CHST11: variants seen among roughly 807,000 people sequenced by gnomAD.
The protein encoded by CHST11 is carbohydrate sulfotransferase 11.
CHST11 carries 9 observed loss-of-function variants against 30.4 expected under a neutral mutation model. The ratio of observed to expected loss-of-function variants is 0.30; its 90% CI spans 0.18 to 0.52. The LOEUF (loss-of-function observed/expected upper bound fraction) is 0.52, where lower values mean the gene tolerates loss of function less well. Ranked by LOEUF, CHST11 falls within the 20% of genes least tolerant of loss-of-function variation. CHST11 has a pLI of 0.97. For synonymous variants in CHST11, 152 were observed against 187.8 expected (o/e 0.81, Z 1.56); for missense variants, 348 against 460.6 (o/e 0.76, Z 2.24).
intron 1 of CHST11, among the ~76,000 whole-genome samples, chr12:104,537,931 A>T (rs1238292975): frequency 1.3e-5 from 2 of 152,106 alleles, no homozygotes; most frequent in East Asian, 3.8e-4. Context: ...CGTGAGCTCA[A>T]GCGATCCTCC....
At chr12:104,459,726 C>T (rs1160602844) in intron 1 of CHST11, among the ~76,000 whole-genome samples, 1 of 152,198 alleles carries the variant, frequency 6.6e-6, no homozygotes, top group Non-Finnish European at 1.5e-5. Context: ...CTTTTCTAAG[C>T]TTGTGCTGAA....
chr12:104,599,078 C>G (rs189295344), intron 1 of CHST11, among the ~76,000 whole-genome samples: 1 of 152,346 alleles, frequency 6.6e-6, no homozygotes, highest in Non-Finnish European at 1.5e-5. Flanking sequence ...CACCGACTGC[C>G]TGTTGCATAG....
chr12:104,643,076 C>G (rs1329079528), intron 2 of CHST11, among the ~76,000 whole-genome samples: 2 of 152,184 alleles, frequency 1.3e-5, no homozygotes. Flanking sequence ...GTAATGCCAG[C>G]ACTTTGGGAG....
At chr12:104,464,451 C>T (rs2037439237) in intron 1 of CHST11, among the ~76,000 whole-genome samples, 1 of 152,084 alleles carries the variant, frequency 6.6e-6, no homozygotes, top group Admixed American at 6.6e-5. Flanking sequence ...TCCCCTCTAC[C>T]ACCTGCTCCC....
chr12:104,752,504 A>T (rs2040440903), intron 2 of CHST11, among the ~76,000 whole-genome samples: 1 of 111,624 alleles, frequency 9.0e-6, no homozygotes, highest in African/African-American at 4.0e-5. Flanking sequence ...AAATTTATTT[A>T]CTTATTTATT....
chr12:104,593,321 GGA>G (rs573221193), intron 1 of CHST11, among the ~76,000 whole-genome samples: 2 of 152,178 alleles, frequency 1.3e-5, no homozygotes, highest in Non-Finnish European at 2.9e-5. Flanking sequence ...TCTCCAGTAA[GGA>G]GAGAGAGATT....
intron 1 of CHST11, among the ~76,000 whole-genome samples, chr12:104,546,616 A>G (rs1000651497): frequency 2.0e-5 from 3 of 152,196 alleles, no homozygotes; most frequent in Admixed American, 6.5e-5. Flanking sequence ...TTGACACAGA[A>G]GGGCATGCAG....
rs768039104 is a variant in CHST11, at chr12:104,457,385, C to T, written c.-27C>T. On this transcript the variant is annotated 5_prime_UTR_variant, in exon 1 of 3. Coordinates refer to ENST00000303694, the MANE Select transcript of CHST11 (RefSeq NM_018413.6). ...CGCCCCGGGCGCGCTTCCCGGACAC[C>T]CCGGTCCCCGCAGCCAGGACAAAGC... is the stretch of plus-strand genomic sequence containing the variant. 3.9e-5 allele frequency: 62 copies of T among 1,575,400 alleles called. No individual in the cohort carries two copies. The South Asian group carries it at 6.3e-4, about 16-fold the overall frequency.
At chr12:104,459,947 C>T (rs986457933) in intron 1 of CHST11, among the ~76,000 whole-genome samples, 31 of 152,220 alleles carry the variant, frequency 2.0e-4, no homozygotes, top group African/African-American at 7.5e-4. Context: ...TACTTACAGT[C>T]CACAAAAGCT....
intron 2 of CHST11, among the ~76,000 whole-genome samples, chr12:104,649,507 G>A (rs1476359893): frequency 1.3e-5 from 2 of 152,142 alleles, no homozygotes; most frequent in African/African-American, 4.8e-5. Context: ...AGTAGAGCTA[G>A]GATTAAACTC....
At chr12:104,479,436 C>A (rs1049438389) in intron 1 of CHST11, among the ~76,000 whole-genome samples, 1 of 152,148 alleles carries the variant, frequency 6.6e-6, no homozygotes, top group African/African-American at 2.4e-5. Context: ...ATCCCCAGCT[C>A]CTAGAACGGT....
chr12:104,574,871 AAAAAG>A (rs2038666608), intron 1 of CHST11, among the ~76,000 whole-genome samples: 2 of 151,756 alleles, frequency 1.3e-5, no homozygotes, highest in Non-Finnish European at 2.9e-5. Context: ...AAAAAAAGAA[AAAAAG>A]AAAGAAAAAG....
At chr12:104,721,025 C>CTTGGTT (rs2040171845) in intron 2 of CHST11, among the ~76,000 whole-genome samples, 1 of 152,088 alleles carries the variant, frequency 6.6e-6, no homozygotes, top group Non-Finnish European at 1.5e-5. Flanking sequence ...AGCTGGCTTC[C>CTTGGTT]TTGGTTTTTC....
chr12:104,683,840 C>T (rs2039820409), intron 2 of CHST11, among the ~76,000 whole-genome samples: 1 of 152,164 alleles, frequency 6.6e-6, no homozygotes, highest in African/African-American at 2.4e-5. Context: ...TGAATGCATG[C>T]ATTCACATCT....
chr12:104,737,887 C>T (rs774002155), intron 2 of CHST11, among the ~76,000 whole-genome samples: 2 of 152,070 alleles, frequency 1.3e-5, no homozygotes, highest in African/African-American at 2.4e-5. Flanking sequence ...GTGGCCTGTC[C>T]CCAGCTGTCA....
At chr12:104,464,800 T>C (rs1298318616) in intron 1 of CHST11, among the ~76,000 whole-genome samples, 2 of 152,128 alleles carry the variant, frequency 1.3e-5, no homozygotes, top group Non-Finnish European at 2.9e-5. Context: ...AATAAAAATA[T>C]CCAGAAAAAG....
chr12:104,738,373 T>G (rs1481145158), intron 2 of CHST11, among the ~76,000 whole-genome samples: 1 of 152,208 alleles, frequency 6.6e-6, no homozygotes, highest in East Asian at 1.9e-4. Context: ...TCACTCCTCC[T>G]CTGTGGGCTT....
intron 2 of CHST11, among the ~76,000 whole-genome samples, chr12:104,671,555 C>G (rs376804437): frequency 6.6e-6 from 1 of 152,128 alleles, no homozygotes; most frequent in African/African-American, 2.4e-5. Flanking sequence ...TCGCTTCCCC[C>G]ACAGGTTTCG....
At chr12:104,522,849 G>A (rs2038087076) in intron 1 of CHST11, among the ~76,000 whole-genome samples, 1 of 152,150 alleles carries the variant, frequency 6.6e-6, no homozygotes, top group Non-Finnish European at 1.5e-5. Context: ...GGGGACCTCT[G>A]TAGGATGGGT....
Sources: gnomAD v4.1 joint callset for allele counts (sites outside exome capture counted in the v4.1 genomes callset) on GRCh38, gnomAD v4.1.1 for gene constraint, MANE v1.5 for transcripts, NCBI Gene and HGNC (gene_info 2026-07-23, HGNC 2026-07-21) for gene names.